The following MSI2 variants were observed in gnomAD, a reference collection of about 807,000 sequenced individuals.
MSI2 encodes the protein RNA-binding protein Musashi homolog 2.
A neutral mutation model predicts 45.6 loss-of-function variants in MSI2; 17 were observed. The observed-to-expected ratio is 0.37, with a 90% CI of 0.26 to 0.56. The LOEUF (loss-of-function observed/expected upper bound fraction) is 0.56. Among genes scored for constraint, MSI2 ranks in the 20% least tolerant of loss-of-function variants. The probability of loss-of-function intolerance (pLI) is 0.77; values close to 1 mark genes in which losing one functional copy is unlikely to be tolerated. For synonymous variants in MSI2, 156 were observed against 158.2 expected, an observed-to-expected ratio of 0.99 and a Z score of 0.11; for missense variants, 293 against 444.2, an observed-to-expected ratio of 0.66 and a Z score of 3.06.
chr17:57,674,384 T>G (rs1489796849), intron 11 of MSI2, among the ~76,000 whole-genome samples: 1 of 151,484 alleles, frequency 6.6e-6, no homozygotes, highest in Non-Finnish European at 1.5e-5. Context: ...AAAGAAAAAG[T>G]GAAACACACA....
At chr17:57,291,472 A>C (rs151186669) in intron 5 of MSI2, among the ~76,000 whole-genome samples, 1 of 152,324 alleles carries the variant, frequency 6.6e-6, no homozygotes, top group Admixed American at 6.5e-5. Context: ...TGCACATAAT[A>C]TATACAGGTG....
At chr17:57,519,326 G>C (rs1046325723) in intron 6 of MSI2, among the ~76,000 whole-genome samples, 1 of 152,164 alleles carries the variant, frequency 6.6e-6, no homozygotes, top group African/African-American at 2.4e-5. Context: ...TGTCTGTTAT[G>C]ATGAGCATTT....
intron 6 of MSI2, among the ~76,000 whole-genome samples, chr17:57,482,555 G>A (rs755314201): frequency 2.0e-5 from 3 of 152,210 alleles, no homozygotes; most frequent in Non-Finnish European, 4.4e-5. Context: ...AGAGGAGTTA[G>A]GAAGCTTGAT....
chr17:57,315,427 G>A (rs1311030236), intron 5 of MSI2, among the ~76,000 whole-genome samples: 1 of 152,074 alleles, frequency 6.6e-6, no homozygotes, highest in East Asian at 1.9e-4. Flanking sequence ...CTTGGGGGTC[G>A]GTGGAGGGGA....
chr17:57,416,590 C>T (rs748861256), intron 6 of MSI2, among the ~76,000 whole-genome samples: 5 of 152,092 alleles, frequency 3.3e-5, no homozygotes, highest in Non-Finnish European at 7.4e-5. Context: ...AGGGTGTGTC[C>T]GCCCATATTT....
intron 7 of MSI2, among the ~76,000 whole-genome samples, chr17:57,577,626 G>C (rs2088085313): frequency 6.6e-6 from 1 of 152,200 alleles, no homozygotes; most frequent in South Asian, 2.1e-4. Context: ...GTAGTAGGAA[G>C]AGCCCCCTAC....
At chr17:57,263,846 T>G (rs549142983) in intron 5 of MSI2, 1 of 152,372 alleles carries the variant, frequency 6.6e-6, no homozygotes, top group Non-Finnish European at 1.5e-5. Flanking sequence ...TGTTTGTAGG[T>G]GAATTAACAT....
At chr17:57,431,634 T>C (rs1414483363) in intron 6 of MSI2, among the ~76,000 whole-genome samples, 1 of 152,204 alleles carries the variant, frequency 6.6e-6, no homozygotes, top group African/African-American at 2.4e-5. Context: ...CTGCCACCCC[T>C]GGAGCTGTTT....
intron 7 of MSI2, among the ~76,000 whole-genome samples, chr17:57,564,124 T>A (rs2087668297): frequency 6.6e-6 from 1 of 152,224 alleles, no homozygotes; most frequent in Non-Finnish European, 1.5e-5. Flanking sequence ...CTGCCCATCC[T>A]CTCTGCCTGT....
chr17:57,276,540 T>C (rs1009498983), intron 5 of MSI2, among the ~76,000 whole-genome samples: 3 of 152,190 alleles, frequency 2.0e-5, no homozygotes, highest in African/African-American at 7.2e-5. Context: ...GGAAGAAATA[T>C]GCAGAGAAAG....
At chr17:57,330,134 C>T (rs948026927) in intron 5 of MSI2, among the ~76,000 whole-genome samples, 10 of 151,856 alleles carry the variant, frequency 6.6e-5, no homozygotes, top group African/African-American at 2.2e-4. Flanking sequence ...GCATCTAGTC[C>T]GAAGGAAAGC....
At chr17:57,463,618 G>A (rs553418209) in intron 6 of MSI2, among the ~76,000 whole-genome samples, 3 of 152,212 alleles carry the variant, frequency 2.0e-5, no homozygotes, top group Admixed American at 2.0e-4. Flanking sequence ...AATCTCCGGG[G>A]TGTTCTCATA....
intron 7 of MSI2, among the ~76,000 whole-genome samples, chr17:57,530,160 C>T (rs190165792): frequency 3.9e-5 from 6 of 152,132 alleles, no homozygotes; most frequent in African/African-American, 9.7e-5. Flanking sequence ...ATTGTAGGTT[C>T]GTTGGGTGTG....
At chr17:57,586,174 A>G (rs1485226585) in intron 7 of MSI2, among the ~76,000 whole-genome samples, 1 of 152,230 alleles carries the variant, frequency 6.6e-6, no homozygotes, top group Non-Finnish European at 1.5e-5. Flanking sequence ...GCGCACTCGG[A>G]ATTAAATGAG....
chr17:57,613,679 G>C (rs889407840), intron 8 of MSI2, among the ~76,000 whole-genome samples: 4 of 152,126 alleles, frequency 2.6e-5, no homozygotes. Context: ...CTGTCAATCT[G>C]TGGGCAAAAA....
chr17:57,587,338 C>T (rs1258783701), intron 7 of MSI2, among the ~76,000 whole-genome samples: 1 of 152,212 alleles, frequency 6.6e-6, no homozygotes, highest in Non-Finnish European at 1.5e-5. Flanking sequence ...ATTTCAAGGT[C>T]AAGGGTTGGC....
chr17:57,423,147 T>A (rs1360518643), intron 6 of MSI2, among the ~76,000 whole-genome samples: 2 of 152,232 alleles, frequency 1.3e-5, no homozygotes, highest in Non-Finnish European at 2.9e-5. Flanking sequence ...AATAGAGTGA[T>A]CTTTTGTGAT....
At chr17:57,488,406 A>G (rs2085797825) in intron 6 of MSI2, among the ~76,000 whole-genome samples, 1 of 152,146 alleles carries the variant, frequency 6.6e-6, no homozygotes, top group African/African-American at 2.4e-5. Context: ...ACATAGACAT[A>G]TTTAACCCCA....
intron 5 of MSI2, among the ~76,000 whole-genome samples, chr17:57,317,086 C>T (rs1912910076): frequency 6.6e-6 from 1 of 152,132 alleles, no homozygotes; most frequent in African/African-American, 2.4e-5. Flanking sequence ...CTGTACATGT[C>T]AGAGGCCATG....
Sources: gnomAD v4.1 joint callset for allele counts (sites outside exome capture counted in the v4.1 genomes callset) on GRCh38, gnomAD v4.1.1 for gene constraint, MANE v1.5 for transcripts, NCBI Gene and HGNC (gene_info 2026-07-23, HGNC 2026-07-21) for gene names.